ALG12: variants seen among roughly 807,000 people sequenced by gnomAD.
ALG12 encodes the protein ALG12 alpha-1,6-mannosyltransferase.
ALG12 carries 36 observed loss-of-function variants against 46.0 expected under a neutral mutation model. The ratio of observed to expected loss-of-function variants is 0.78; its 90% CI spans 0.60 to 1.03. The LOEUF (loss-of-function observed/expected upper bound fraction) is 1.03, where lower values mean the gene tolerates loss of function less well. ALG12 is among the 50% of genes least tolerant of loss of function. ALG12 has a pLI of 0.00. For synonymous variants in ALG12, 326 were observed against 291.6 expected (o/e 1.12, Z -1.20); for missense variants, 599 against 633.5 (o/e 0.95, Z 0.58).
At chr22:49,887,139 T>C in the ALG12 span, 1 of 1,613,378 alleles carries the variant, frequency 6.2e-7, no homozygotes, top group South Asian at 1.1e-5. Context: ...AACTTATCTT[T>C]TTGAAAGTGA....
Position 49,902,248 on chromosome 22 carries a change from C to CG in ALG12, c.*1589_*1590insC, listed in dbSNP as rs1555928197. 3 of 92,478 alleles carry CG rather than the reference C, an allele frequency of 3.2e-5. 1 individual carries two copies. Among genetic ancestry groups the CG allele is most frequent in the Admixed American group, 1.9e-4 (2 of 10,488 alleles). 5.7% of individuals were successfully genotyped at this position (92,478 alleles called of 1,614,324 possible). On this transcript the variant is annotated 3_prime_UTR_variant, in exon 10 of 10. Transcript: ENST00000330817. ...TATGCATGGTGTGTGCACGTGTGCA[C>CG]TGTGTATGCATGGTGTGTGCATGTG...
In ALG12 at chr22:49,910,235, C is replaced by A; in HGVS notation, c.470-147G>T. 2.5e-6 allele frequency: 3 copies of A among 1,194,422 alleles called. No homozygotes were observed. In the South Asian group the frequency reaches 4.4e-5, roughly 17 times the overall value. The allele number at this position is 1,194,422 out of a possible 1,614,324, so 74.0% of individuals were successfully genotyped here. ...AGAAACTGCTCAGAGCCGCTCCCCG[C>A]ACCTATGCTGTTGGCCAGGAAGTGT... On this transcript the variant is annotated intron_variant, in intron 4 of 9. Transcript: ENST00000330817.
At chr22:49,884,900 C>T in the ALG12 span, 2 of 1,602,478 alleles carry the variant, frequency 1.2e-6, no homozygotes, top group Non-Finnish European at 1.7e-6. Context: ...GACGTGGCGG[C>T]CTTCTCATCT....
At chr22:49,898,797 G>T (rs1358872275), downstream of ALG12, among the ~76,000 whole-genome samples, 1 of 152,048 alleles carries the variant, frequency 6.6e-6, no homozygotes, top group African/African-American at 2.4e-5. Flanking sequence ...CCATCACTCA[G>T]GCTGGAGCAC....
the ALG12 span, among the ~76,000 whole-genome samples, chr22:49,869,287 G>A: frequency 6.6e-6 from 1 of 152,172 alleles, no homozygotes; most frequent in South Asian, 2.1e-4. Flanking sequence ...TGCTTCCGCT[G>A]GAAGGGCCTA....
At chr22:49,889,163 G>C in the ALG12 span, 1 of 167,060 alleles carries the variant, frequency 6.0e-6, no homozygotes, top group Non-Finnish European at 1.5e-5. Flanking sequence ...AGAGATTTCC[G>C]TGGACACAGT....
the ALG12 span, among the ~76,000 whole-genome samples, chr22:49,878,482 G>A: frequency 2.0e-5 from 3 of 152,140 alleles, no homozygotes; most frequent in African/African-American, 7.2e-5. Context: ...TCTCAACAAA[G>A]TTACATGGGC....
rs774408821 is a variant in ALG12, at chr22:49,913,740, C to A, written c.26G>T (p.Arg9Met). Residue 9 changes from arginine (R) to methionine (M), a missense_variant, in exon 2 of 10, where the codon AGG (arginine) becomes ATG (methionine). Transcript: ENST00000330817. Reference sequence around the variant, plus strand: ...CAGCAGCCCCAGCAGCAGGGGCCGCCTGCCTGATGACCCCTTTCCAGCCAT... The same window carrying A: ...CAGCAGCCCCAGCAGCAGGGGCCGCATGCCTGATGACCCCTTTCCAGCCAT... The part of the protein sequence containing the change: MAGKGSSG[R>M]RPLLLGLLVA... The A allele has an allele frequency of 6.2e-7, 1 of 1,613,662 alleles. No homozygotes were observed. Among genetic ancestry groups the A allele is most frequent in the African/African-American group, 1.3e-5 (1 of 74,946 alleles).
At chr22:49,884,116 T>A in the ALG12 span, 1 of 1,613,680 alleles carries the variant, frequency 6.2e-7, no homozygotes, top group Non-Finnish European at 8.5e-7. Flanking sequence ...CGAGAAAGAC[T>A]TGAGTACCAG....
At chr22:49,884,420 G>A in the ALG12 span, 1 of 1,613,860 alleles carries the variant, frequency 6.2e-7, no homozygotes, top group South Asian at 1.1e-5. Flanking sequence ...GCCCTGGTGG[G>A]GTCGTCTCCC....
chr22:49,892,556 A>G, the ALG12 span, among the ~76,000 whole-genome samples: 1 of 152,216 alleles, frequency 6.6e-6, no homozygotes, highest in Non-Finnish European at 1.5e-5. Context: ...CAAATATAGC[A>G]GCAAAAGGCT....
intron 3 of ALG12, among the ~76,000 whole-genome samples, chr22:49,911,548 C>T (rs2060576610): frequency 6.6e-6 from 1 of 152,182 alleles, no homozygotes; most frequent in Admixed American, 6.5e-5. Context: ...AATTCTCCTA[C>T]CTCAGCCTCC....
Position 49,902,440 on chromosome 22 carries a change from G to GT in ALG12, c.*1397dup, listed in dbSNP as rs2060516634. On this transcript the variant is annotated 3_prime_UTR_variant, in exon 10 of 10. Coordinates refer to ENST00000330817, the MANE Select transcript of ALG12 (RefSeq NM_024105.4). ...CACTGTGTATGCATGGTGTGTGCACGTGTGCACTGTGTATGCATGGTGTGT... is the reference window on the plus strand; with the variant it reads ...CACTGTGTATGCATGGTGTGTGCACGTTGTGCACTGTGTATGCATGGTGTGT... The GT allele has an allele frequency of 1.3e-5, 1 of 74,088 alleles. No individual in the cohort carries two copies. Among genetic ancestry groups the GT allele is most frequent in the Non-Finnish European group, 2.3e-5 (1 of 44,210 alleles). 4.6% of individuals were successfully genotyped at this position (74,088 alleles called of 1,614,324 possible). A position where few individuals can be genotyped will look rare whatever the true frequency, so the allele number is the denominator to read the frequency against.
At chr22:49,910,641 A>G (rs973308372) in intron 3 of ALG12, 34 bp from the exon 4 acceptor site, 37 of 1,613,642 alleles carry the variant, frequency 2.3e-5, no homozygotes, top group Non-Finnish European at 3.1e-5. Context: ...CTGAGCCTGC[A>G]GTGGAGGAGT....
At chr22:49,870,522 A>G in the ALG12 span, among the ~76,000 whole-genome samples, 1 of 151,726 alleles carries the variant, frequency 6.6e-6, no homozygotes, top group South Asian at 2.1e-4. Flanking sequence ...AGCCATTGTG[A>G]CGGGTGTGAG....
chr22:49,875,937 T>G, the ALG12 span, among the ~76,000 whole-genome samples: 1 of 76,356 alleles, frequency 1.3e-5, no homozygotes, highest in Admixed American at 1.8e-4. Flanking sequence ...TTTCATTGAT[T>G]TTTTTTCTTT....
chr22:49,871,517 G>A, the ALG12 span, among the ~76,000 whole-genome samples: 1 of 151,990 alleles, frequency 6.6e-6, no homozygotes, highest in South Asian at 2.1e-4. Flanking sequence ...TCAGTATAAT[G>A]TAGTCTGGTA....
chr22:49,904,152 G>A, intron 9 of ALG12, 27 bp downstream of exon 9: 4 of 1,614,218 alleles, frequency 2.5e-6, no homozygotes, highest in Non-Finnish European at 3.4e-6. Flanking sequence ...TGGCCTCTGG[G>A]AGGGCCGTGC....
At position 49,905,215 on chromosome 22, in the gene ALG12, A is replaced by G. The variant is rs1462415408; in HGVS notation, c.993-709T>C. On this transcript the variant is annotated intron_variant, in intron 7 of 9. Transcript: ENST00000330817. This position sits in a 1 kb window ranked among gnomAD's most constrained non-coding sequence, Gnocchi z 4.9. ...GGCAGAGTTAGCAGCTGCCACAGAC[A>G]GTGTGGCCCACGAAGATGAGGCTCT... is the stretch of plus-strand genomic sequence containing the variant. 6.6e-6 allele frequency among the ~76,000 whole-genome samples: 1 copy of G among 152,176 alleles called. No homozygotes were observed. Among genetic ancestry groups the G allele is most frequent in the African/African-American group, 2.4e-5 (1 of 41,456 alleles).
Sources: allele counts gnomAD v4.1 joint callset (sites outside exome capture counted in the v4.1 genomes callset), GRCh38; gene constraint gnomAD v4.1.1; non-coding constraint Gnocchi (gnomAD v3.1); transcripts MANE v1.5; gene names NCBI Gene and HGNC (gene_info 2026-07-23, HGNC 2026-07-21).